Variants in OSBPL1A observed in about 807,000 individuals in gnomAD.
OSBPL1A encodes the protein oxysterol-binding protein-related protein 1.
OSBPL1A carries 80 observed loss-of-function variants against 137.1 expected under a neutral mutation model. That is an observed-to-expected ratio of 0.58 (90% CI 0.49 to 0.70). The LOEUF is 0.70. OSBPL1A is among the 30% of genes least tolerant of loss of function. The pLI is 0.00. For synonymous variants in OSBPL1A, 365 were observed against 389.7 expected, an observed-to-expected ratio of 0.94 and a Z score of 0.75; for missense variants, 970 against 1,129.4, an observed-to-expected ratio of 0.86 and a Z score of 2.02.
chr18:24,255,318 T>C (rs2089237976), intron 15 of OSBPL1A, among the ~76,000 whole-genome samples: 1 of 152,088 alleles, frequency 6.6e-6, no homozygotes, highest in Non-Finnish European at 1.5e-5. Context: ...TTCTACAAAA[T>C]AGAGAAGGGA....
chr18:24,234,154 C>T (rs751317867), intron 16 of OSBPL1A, among the ~76,000 whole-genome samples: 4 of 152,028 alleles, frequency 2.6e-5, no homozygotes, highest in Non-Finnish European at 4.4e-5. Context: ...TATGAAGAAC[C>T]ACTTTCTTCT....
At chr18:24,287,107 C>T (rs373839410) in intron 14 of OSBPL1A, among the ~76,000 whole-genome samples, 2 of 152,262 alleles carry the variant, frequency 1.3e-5, no homozygotes, top group East Asian at 3.9e-4. Context: ...AGCAGAACTA[C>T]AGAATGTGTT....
intron 15 of OSBPL1A, among the ~76,000 whole-genome samples, chr18:24,261,846 T>A (rs927659051): frequency 4.6e-5 from 7 of 152,106 alleles, no homozygotes; most frequent in African/African-American, 7.2e-5. Context: ...AGCAAGACTT[T>A]GTCTCAAAAA....
At chr18:24,219,987 T>C (rs1162584373) in intron 17 of OSBPL1A, among the ~76,000 whole-genome samples, 1 of 152,244 alleles carries the variant, frequency 6.6e-6, no homozygotes, top group Non-Finnish European at 1.5e-5. Flanking sequence ...AGTCTCCTCC[T>C]GCCAGGCTGG....
chr18:24,377,255 A>AG (rs1906248832), intron 2 of OSBPL1A, among the ~76,000 whole-genome samples, 158 bp downstream of exon 2: 1 of 152,212 alleles, frequency 6.6e-6, no homozygotes. Context: ...TCTGACTCAG[A>AG]GGGGGCTAGG....
chr18:24,389,641 C>G (rs1447614519), intron 1 of OSBPL1A, among the ~76,000 whole-genome samples: 1 of 152,108 alleles, frequency 6.6e-6, no homozygotes, highest in Admixed American at 6.6e-5. Flanking sequence ...AAAATTCCAG[C>G]TTAATATATA....
chr18:24,265,436 C>A (rs275882), intron 15 of OSBPL1A, among the ~76,000 whole-genome samples: 9,570 of 152,094 alleles, frequency 0.063, 410 homozygotes, highest in African/African-American at 0.12. Flanking sequence ...GCAGAGATCA[C>A]GTTACTGCAC....
chr18:24,179,696 C>T lies in OSBPL1A; in HGVS notation c.1910+42G>A, dbSNP rs184363678. ...CCAATATGTATGTATTTCTCCTCTT[C>T]ATCTGCAACGCTGTATAAAGCATGC... On this transcript the variant is annotated intron_variant, in intron 20 of 27. Transcript: ENST00000319481. 2.3e-4 allele frequency: 343 copies of T among 1,519,860 alleles called. 1 individual carries two copies. The highest frequency in any genetic ancestry group is 1.9e-4 in the Non-Finnish European group (212 of 1,094,522). 94.1% of individuals were successfully genotyped at this position (1,519,860 alleles called of 1,614,324 possible). A position where few individuals can be genotyped will look rare whatever the true frequency, so the allele number is the denominator to read the frequency against.
intron 14 of OSBPL1A, among the ~76,000 whole-genome samples, chr18:24,297,735 C>T (rs55679362): frequency 0.033 from 4,989 of 152,170 alleles, 243 homozygotes; most frequent in African/African-American, 0.11. Context: ...TAGTTTTATT[C>T]CCCTGTGGTC....
intron 20 of OSBPL1A, among the ~76,000 whole-genome samples, chr18:24,178,584 C>G (rs986487212): frequency 6.6e-6 from 1 of 152,138 alleles, no homozygotes; most frequent in African/African-American, 2.4e-5. Flanking sequence ...AGCCACCATG[C>G]CCGGCCAACA....
Position 24,314,363 on chromosome 18 carries a change from G to A in OSBPL1A, c.871-16C>T. Reference sequence around the variant, plus strand: ...TGGATTTTACCTTGGATATAAAGAAGTCAGTAAGACAACATTCATTCACAT... The same window carrying A: ...TGGATTTTACCTTGGATATAAAGAAATCAGTAAGACAACATTCATTCACAT... On this transcript the variant is annotated splice_polypyrimidine_tract_variant and intron_variant, in intron 11 of 27. Coordinates refer to ENST00000319481, the MANE Select transcript of OSBPL1A (RefSeq NM_080597.4). 1 of 1,546,144 alleles carries A rather than the reference G, an allele frequency of 6.5e-7. No homozygotes were observed. The highest frequency in any genetic ancestry group is 8.8e-7 in the Non-Finnish European group (1 of 1,131,740).
chr18:24,275,300 A>C (rs1396626912), intron 15 of OSBPL1A, among the ~76,000 whole-genome samples: 1 of 152,196 alleles, frequency 6.6e-6, no homozygotes. Context: ...CCTCCAGCAA[A>C]AGGCTAGAGG....
intron 4 of OSBPL1A, among the ~76,000 whole-genome samples, chr18:24,364,040 A>G (rs1424271969): frequency 2.0e-5 from 3 of 152,080 alleles, no homozygotes; most frequent in Non-Finnish European, 4.4e-5. Context: ...TCTCAACTCC[A>G]TCTGCAACTT....
rs2086289366 is a variant in OSBPL1A at position 24,171,600 on chromosome 18, T to A, written c.2202-102A>T. The stretch of plus-strand genomic sequence containing the variant: ...TCTAGCAGCAGCTACTGTTTATGGA[T>A]TTTCTCTGTGTGCCAGGCTCCATAC... On this transcript the variant is annotated intron_variant, in intron 22 of 27. Transcript: ENST00000319481. The A allele has an allele frequency of 1.9e-5, 17 of 877,732 alleles. No homozygotes were observed. In the South Asian group the frequency reaches 2.5e-4, roughly 13 times the overall value. The allele number at this position is 877,732 out of a possible 1,614,324, so 54.4% of individuals were successfully genotyped here.
At chr18:24,354,755 A>G (rs982501171) in intron 4 of OSBPL1A, among the ~76,000 whole-genome samples, 131 of 142,604 alleles carry the variant, frequency 9.2e-4, no homozygotes, top group African/African-American at 3.5e-3. Flanking sequence ...TAGCAAAAAA[A>G]AAAAAAAAAA....
chr18:24,205,520 A>C (rs1261632529), intron 17 of OSBPL1A, among the ~76,000 whole-genome samples: 1 of 152,236 alleles, frequency 6.6e-6, no homozygotes, highest in Non-Finnish European at 1.5e-5. Context: ...TTATGTGGTC[A>C]AATTTAATTT....
chr18:24,190,333 G>T (rs1341905302), intron 18 of OSBPL1A, among the ~76,000 whole-genome samples: 1 of 107,228 alleles, frequency 9.3e-6, no homozygotes, highest in Non-Finnish European at 1.7e-5. Flanking sequence ...ATTCACAGTT[G>T]CCCTCTGCTA....
intron 1 of OSBPL1A, among the ~76,000 whole-genome samples, chr18:24,390,910 G>A (rs1907307731): frequency 6.6e-6 from 1 of 151,810 alleles, no homozygotes; most frequent in Non-Finnish European, 1.5e-5. Context: ...GACCAGCCTG[G>A]CCAACATGGT....
chr18:24,205,481 A>G (rs973862451), intron 17 of OSBPL1A, among the ~76,000 whole-genome samples: 1 of 152,222 alleles, frequency 6.6e-6, no homozygotes, highest in African/African-American at 2.4e-5. Flanking sequence ...TTCTGTCCCA[A>G]CAATACACAT....
Sources: gnomAD v4.1 joint callset for allele counts (sites outside exome capture counted in the v4.1 genomes callset) on GRCh38, gnomAD v4.1.1 for gene constraint, MANE v1.5 for transcripts, NCBI Gene and HGNC (gene_info 2026-07-23, HGNC 2026-07-21) for gene names.